HPSE2: variants seen among roughly 807,000 people sequenced by gnomAD.
HPSE2 encodes the protein heparanase 2 (inactive).
Under a neutral mutation model 60.5 loss-of-function variants are expected in HPSE2, and 38 were observed. The ratio of observed to expected loss-of-function variants is 0.63; its 90% CI spans 0.48 to 0.82. The LOEUF (loss-of-function observed/expected upper bound fraction) is 0.82. Among genes scored for constraint, HPSE2 ranks in the 40% least tolerant of loss-of-function variants. HPSE2 has a pLI of 0.00. For synonymous variants in HPSE2, 295 were observed against 293.2 expected, an observed-to-expected ratio of 1.01 and a Z score of -0.06; for missense variants, 713 against 740.4, an observed-to-expected ratio of 0.96 and a Z score of 0.43.
At chr10:98,848,505 A>G (rs1565207536) in intron 3 of HPSE2, among the ~76,000 whole-genome samples, 1 of 152,132 alleles carries the variant, frequency 6.6e-6, no homozygotes, top group Non-Finnish European at 1.5e-5. Flanking sequence ...CATAAACACC[A>G]TCTCTTACTC....
At chr10:98,908,620 T>C (rs1953890255) in intron 3 of HPSE2, among the ~76,000 whole-genome samples, 1 of 131,620 alleles carries the variant, frequency 7.6e-6, no homozygotes, top group South Asian at 2.5e-4. Context: ...GAGGTGGAGG[T>C]TGTGGTGAGC....
intron 3 of HPSE2, among the ~76,000 whole-genome samples, chr10:99,069,112 A>G (rs1048883551): frequency 1.5e-4 from 23 of 152,180 alleles, no homozygotes; most frequent in Admixed American, 2.6e-4. Flanking sequence ...AACTCATTCT[A>G]TAAGTTCAGT....
At chr10:98,580,836 A>ATATATATAATATATGTGTGTG in intron 9 of HPSE2, among the ~76,000 whole-genome samples, 1 of 119,530 alleles carries the variant, frequency 8.4e-6, no homozygotes, top group African/African-American at 3.6e-5. Context: ...ATATATATAT[A>ATATATATAATATATGTGTGTG]TGTGTGTGTG....
intron 6 of HPSE2, among the ~76,000 whole-genome samples, chr10:98,662,394 T>G (rs1301532768): frequency 6.6e-6 from 1 of 152,240 alleles, no homozygotes; most frequent in Non-Finnish European, 1.5e-5. Context: ...AATGAGATTA[T>G]GTCCTTTACA....
chr10:99,264,906 G>A, the HPSE2 span, among the ~76,000 whole-genome samples: 6 of 151,540 alleles, frequency 4.0e-5, no homozygotes, highest in East Asian at 5.8e-4. Context: ...GAGAAACATC[G>A]CCCGTTATCT....
At chr10:98,738,915 G>A (rs1949425185) in intron 4 of HPSE2, among the ~76,000 whole-genome samples, 1 of 152,126 alleles carries the variant, frequency 6.6e-6, no homozygotes, top group African/African-American at 2.4e-5. Flanking sequence ...ACAGTGTGGC[G>A]ATTCCTCAAG....
chr10:98,559,228 A>G (rs1944101474), intron 9 of HPSE2, among the ~76,000 whole-genome samples: 1 of 152,118 alleles, frequency 6.6e-6, no homozygotes, highest in African/African-American at 2.4e-5. Flanking sequence ...GGGTTTCACC[A>G]TGTTAGCCAG....
chr10:99,013,170 C>A, intron 3 of HPSE2: 1 of 672,330 alleles, frequency 1.5e-6, no homozygotes, highest in Non-Finnish European at 2.8e-6. Context: ...TAGAGAACAG[C>A]ATGCCTGGAT....
chr10:99,092,168 G>A (rs1843537029), intron 3 of HPSE2, among the ~76,000 whole-genome samples: 1 of 152,008 alleles, frequency 6.6e-6, no homozygotes, highest in African/African-American at 2.4e-5. Flanking sequence ...AAGTCCTATA[G>A]GAAAAACTGT....
chr10:99,099,009 T>A (rs1589652248), intron 3 of HPSE2, among the ~76,000 whole-genome samples: 2 of 152,178 alleles, frequency 1.3e-5, no homozygotes, highest in South Asian at 4.1e-4. Context: ...AATAATAGCA[T>A]TCTCGTTCCA....
rs140882117 is a variant in HPSE2 at position 99,180,054 on chromosome 10, C to T, written c.449-35655G>A. On this transcript the variant is annotated intron_variant, in intron 2 of 11. Coordinates refer to ENST00000370552, the MANE Select transcript of HPSE2 (RefSeq NM_021828.5). ...AAATGGTGTTGGGAAAACTGGCTAG[C>T]CATATGCAGAAAGCTGAAACTGGAC... Among the ~76,000 whole-genome samples the T allele has an allele frequency of 5.2e-3, 790 of 152,214 alleles. 9 individuals carry two copies. Among genetic ancestry groups the T allele is most frequent in the African/African-American group, 0.018 (754 of 41,528 alleles).
chr10:99,252,912 C>T, the HPSE2 span, among the ~76,000 whole-genome samples: 1 of 148,386 alleles, frequency 6.7e-6, no homozygotes, highest in South Asian at 2.1e-4. Flanking sequence ...TACCTAGAAA[C>T]ATATCTGACC....
chr10:99,059,744 T>A (rs1958192337), intron 3 of HPSE2, among the ~76,000 whole-genome samples: 1 of 152,156 alleles, frequency 6.6e-6, no homozygotes, highest in Admixed American at 6.5e-5. Context: ...AACTGTTAAG[T>A]GTTTGCAAAT....
At chr10:99,041,137 T>C (rs993700059) in intron 3 of HPSE2, among the ~76,000 whole-genome samples, 3 of 151,562 alleles carry the variant, frequency 2.0e-5, no homozygotes, top group Admixed American at 1.3e-4. Flanking sequence ...TGATCTGAAA[T>C]GTCACAACCT....
At chr10:99,235,387 C>T (rs1849804903) in intron 1 of HPSE2, 126 bp downstream of exon 1, 1 of 907,992 alleles carries the variant, frequency 1.1e-6, no homozygotes, top group South Asian at 1.4e-5. Flanking sequence ...AGGAAAACCT[C>T]TTTTCTTCTC....
intron 3 of HPSE2, among the ~76,000 whole-genome samples, chr10:99,042,234 T>C (rs1266609572): frequency 6.6e-6 from 1 of 152,086 alleles, no homozygotes; most frequent in African/African-American, 2.4e-5. Context: ...AGCCGTCCTA[T>C]GGAGAAGAGG....
intron 6 of HPSE2, among the ~76,000 whole-genome samples, chr10:98,648,657 G>T (rs1946839464): frequency 6.6e-6 from 1 of 151,670 alleles, no homozygotes; most frequent in Non-Finnish European, 1.5e-5. Context: ...GGTACAGGAG[G>T]ATCACTTGAG....
At position 99,026,970 on chromosome 10, in the gene HPSE2, G is replaced by GGGA. The variant is rs372731533; in HGVS notation, c.610+117267_610+117268insTCC. ...ACCAAAACCTGTGGGATACAGCAAAGGAAGTACTATGGGAATTTTATGGCT... is the reference window on the plus strand; with the variant it reads ...ACCAAAACCTGTGGGATACAGCAAAGGGAGAAGTACTATGGGAATTTTATGGCT... On this transcript the variant is annotated intron_variant, in intron 3 of 11. Transcript: ENST00000370552. Among the ~76,000 whole-genome samples, 562 of 152,006 alleles carry GGGA rather than the reference G, an allele frequency of 3.7e-3. 5 individuals carry two copies. The highest frequency in any genetic ancestry group is 0.013 in the African/African-American group (540 of 41,498).
intron 9 of HPSE2, among the ~76,000 whole-genome samples, chr10:98,524,185 C>T (rs906441427): frequency 6.6e-6 from 1 of 152,134 alleles, no homozygotes; most frequent in African/African-American, 2.4e-5. Context: ...ATCTTTGAAC[C>T]GCTGCTTTGT....
Sources: gnomAD v4.1 joint callset for allele counts (sites outside exome capture counted in the v4.1 genomes callset) on GRCh38, gnomAD v4.1.1 for gene constraint, MANE v1.5 for transcripts, NCBI Gene and HGNC (gene_info 2026-07-23, HGNC 2026-07-21) for gene names.